Variants in CLMP observed in about 807,000 individuals in gnomAD.
CLMP encodes CXADR like cell adhesion molecule, also known as CXADR-like membrane protein.
In CLMP, 27 loss-of-function variants were observed where a neutral mutation model predicts 45.2. That is an observed-to-expected ratio of 0.60 (90% CI 0.44 to 0.82). CLMP has a LOEUF of 0.82. CLMP is among the 40% of genes least tolerant of loss of function. The pLI, the probability that CLMP is intolerant of heterozygous loss-of-function variation, is 0.00. For missense variants in CLMP, 403 were observed against 448.4 expected, an observed-to-expected ratio of 0.90 and a Z score of 0.91; for synonymous variants, 167 against 171.4, an observed-to-expected ratio of 0.97 and a Z score of 0.20.
chr11:123,170,009 CAATT>C (rs1565402685), intron 1 of CLMP, among the ~76,000 whole-genome samples: 1 of 152,104 alleles, frequency 6.6e-6, no homozygotes. Context: ...GCTTCAGAGA[CAATT>C]GATTGTAAAT....
At position 123,074,747 on chromosome 11, in the gene CLMP, T is replaced by C. The variant is rs938023019; in HGVS notation, c.776A>G (p.Lys259Arg). Residue 259 changes from lysine (K) to arginine (R), a missense_variant, in exon 6 of 7, where the codon AAA becomes AGA. Transcript: ENST00000448775. Reference protein sequence around the residue: ...FLLVWLLIRRKDKERYEEEER... With the variant: ...FLLVWLLIRRRDKERYEEEER... ...TTCTTCCTCATATCTTTCTTTGTCTTTCCTTCGGATTAGCAGCCACACCAA... is the reference window on the plus strand; with the variant it reads ...TTCTTCCTCATATCTTTCTTTGTCTCTCCTTCGGATTAGCAGCCACACCAA... 1 of 1,614,176 alleles carries C rather than the reference T, an allele frequency of 6.2e-7. No individual in the cohort carries two copies. The highest frequency in any genetic ancestry group is 8.5e-7 in the Non-Finnish European group (1 of 1,180,036).
chr11:123,162,042 A>C (rs1861494345), intron 1 of CLMP, among the ~76,000 whole-genome samples: 1 of 152,270 alleles, frequency 6.6e-6, no homozygotes, highest in Non-Finnish European at 1.5e-5. Flanking sequence ...GCAGAGATGC[A>C]GAGAACATGG....
intron 5 of CLMP, among the ~76,000 whole-genome samples, chr11:123,076,158 C>CA (rs528272771): frequency 0.091 from 12,929 of 141,958 alleles, 1,185 homozygotes; most frequent in African/African-American, 0.24. Context: ...GACTCTGTCT[C>CA]AAAAAAAAAA....
intron 5 of CLMP, among the ~76,000 whole-genome samples, chr11:123,079,913 C>A (rs1865785199): frequency 6.6e-6 from 1 of 152,204 alleles, no homozygotes. Flanking sequence ...TAGTCTGCGA[C>A]TTCGTAGCTC....
At chr11:123,149,585 G>A (rs1015257293) in intron 1 of CLMP, among the ~76,000 whole-genome samples, 5 of 152,242 alleles carry the variant, frequency 3.3e-5, no homozygotes, top group Middle Eastern at 3.4e-3. Context: ...CAATTTAGTT[G>A]TAAAAAGCCT....
chr11:123,174,380 T>C (rs954065246), intron 1 of CLMP, among the ~76,000 whole-genome samples: 6 of 152,206 alleles, frequency 3.9e-5, no homozygotes, highest in Non-Finnish European at 8.8e-5. Flanking sequence ...AGATGGTTAA[T>C]GGGAAGGGAT....
At chr11:123,121,159 T>C (rs1860811695) in intron 1 of CLMP, among the ~76,000 whole-genome samples, 1 of 150,884 alleles carries the variant, frequency 6.6e-6, no homozygotes, top group African/African-American at 2.4e-5. Context: ...TGTTTGGATA[T>C]GCTGAGAATG....
chr11:123,142,167 TA>T (rs1861170649), intron 1 of CLMP, among the ~76,000 whole-genome samples: 1 of 152,032 alleles, frequency 6.6e-6, no homozygotes, highest in Non-Finnish European at 1.5e-5. Context: ...GTACTTTTTG[TA>T]GAGATGGAGT....
chr11:123,152,566 A>T (rs113635995), intron 1 of CLMP, among the ~76,000 whole-genome samples: 2,043 of 143,990 alleles, frequency 0.014, 32 homozygotes, highest in African/African-American at 0.036. Flanking sequence ...AAATAAATAA[A>T]AAATAAATAA....
intron 1 of CLMP, among the ~76,000 whole-genome samples, chr11:123,189,444 A>T (rs971449019): frequency 1.5e-4 from 23 of 152,202 alleles, no homozygotes; most frequent in African/African-American, 5.3e-4. Context: ...AGTAATAATA[A>T]TACTTACTCT....
At chr11:123,108,594 G>A (rs1170066974) in intron 1 of CLMP, among the ~76,000 whole-genome samples, 1 of 152,026 alleles carries the variant, frequency 6.6e-6, no homozygotes, top group East Asian at 1.9e-4. Context: ...AAGGGAATGA[G>A]GGAAAAGGGA....
chr11:123,106,424 TGCGCGCGCGCGCGC>T (rs71057332), intron 1 of CLMP, among the ~76,000 whole-genome samples: 3 of 90,860 alleles, frequency 3.3e-5, no homozygotes, highest in East Asian at 2.8e-4. Context: ...TGTGTGTGTG[TGCGCGCGCGCGCGC>T]GCACGTGCCT....
intron 1 of CLMP, among the ~76,000 whole-genome samples, chr11:123,154,768 T>C (rs1157593150): frequency 3.9e-5 from 6 of 152,194 alleles, no homozygotes; most frequent in African/African-American, 1.2e-4. Flanking sequence ...CTGAAATGAT[T>C]ATAATCCATT....
chr11:123,153,052 A>G (rs964481804), intron 1 of CLMP, among the ~76,000 whole-genome samples: 1 of 152,208 alleles, frequency 6.6e-6, no homozygotes, highest in Non-Finnish European at 1.5e-5. Context: ...AGGAAACAAC[A>G]TCTCTTGCCA....
intron 1 of CLMP, among the ~76,000 whole-genome samples, chr11:123,159,337 T>C (rs951620886): frequency 5.9e-5 from 9 of 152,200 alleles, no homozygotes; most frequent in African/African-American, 2.2e-4. Context: ...GGAGCTGCGC[T>C]TGGCCCGGCG....
chr11:123,148,482 T>C (rs1191353851), intron 1 of CLMP, among the ~76,000 whole-genome samples: 1 of 152,208 alleles, frequency 6.6e-6, no homozygotes, highest in Admixed American at 6.5e-5. Flanking sequence ...TAGCCTAAAT[T>C]TACATGTCCA....
At chr11:123,157,722 C>CAAAAAA (rs869197042) in intron 1 of CLMP, among the ~76,000 whole-genome samples, 3 of 71,170 alleles carry the variant, frequency 4.2e-5, no homozygotes, top group Admixed American at 1.7e-4. Context: ...GAGTGAAACT[C>CAAAAAA]AAAAAAAAAA....
At chr11:123,153,742 G>A (rs1277863443) in intron 1 of CLMP, among the ~76,000 whole-genome samples, 1 of 151,934 alleles carries the variant, frequency 6.6e-6, no homozygotes, top group Non-Finnish European at 1.5e-5. Flanking sequence ...GAGTGCAGTG[G>A]CACGATCTCA....
intron 1 of CLMP, among the ~76,000 whole-genome samples, chr11:123,131,485 A>C (rs1006782280): frequency 2.0e-4 from 31 of 152,234 alleles, no homozygotes; most frequent in African/African-American, 7.2e-4. Context: ...AAATAAGCCC[A>C]AAACTAACCT....
Sources: allele counts gnomAD v4.1 joint callset (sites outside exome capture counted in the v4.1 genomes callset), GRCh38; gene constraint gnomAD v4.1.1; transcripts MANE v1.5; gene names NCBI Gene and HGNC (gene_info 2026-07-23, HGNC 2026-07-21).